Variants in ZNF17 observed in about 807,000 individuals in gnomAD.
ZNF17 encodes zinc finger protein 17.
A neutral mutation model predicts 7.7 loss-of-function variants in ZNF17; 4 were observed. That is an observed-to-expected ratio of 0.52 (90% CI 0.26 to 1.20). The LOEUF (loss-of-function observed/expected upper bound fraction) is 1.20, where lower values mean the gene tolerates loss of function less well. Among genes scored for constraint, ZNF17 ranks in the 50% most tolerant of loss-of-function variants. The probability of loss-of-function intolerance (pLI) is 0.14; values close to 1 mark genes in which losing one functional copy is unlikely to be tolerated. For missense variants in ZNF17, 738 were observed against 799.5 expected, an observed-to-expected ratio of 0.92 and a Z score of 0.93; for synonymous variants, 249 against 258.8, an observed-to-expected ratio of 0.96 and a Z score of 0.36.
At position 57,421,589 on chromosome 19, in the gene ZNF17, CAT is replaced by C; in HGVS notation, c.*110_*111del. Reference sequence around the variant, plus strand: ...AAGTATTCTTGTAGAATACAGATAACATAAAATCTAACATCTTAACCATGTTA... The same window carrying C: ...AAGTATTCTTGTAGAATACAGATAACAAAATCTAACATCTTAACCATGTTA... On this transcript the variant is annotated 3_prime_UTR_variant, in exon 4 of 4. Coordinates refer to ENST00000307658, the MANE Select transcript of ZNF17 (RefSeq NM_001330617.2). 1.6e-6 allele frequency: 2 copies of C among 1,259,426 alleles called. No homozygotes were observed. The highest frequency in any genetic ancestry group is 1.5e-5 in the African/African-American group (1 of 65,882). The allele number at this position is 1,259,426 out of a possible 1,614,324, so 78.0% of individuals were successfully genotyped here.
Position 57,411,220 on chromosome 19 carries a change from G to A in ZNF17, c.-207G>A. 1.1e-6 allele frequency: 1 copy of A among 909,446 alleles called. No individual in the cohort carries two copies. Among genetic ancestry groups the A allele is most frequent in the Non-Finnish European group, 1.6e-6 (1 of 612,162 alleles). 56.3% of individuals were successfully genotyped at this position (909,446 alleles called of 1,614,324 possible). A position where few individuals can be genotyped will look rare whatever the true frequency, so the allele number is the denominator to read the frequency against. Reference sequence around the variant, plus strand: ...TGGGATCTGTTCACCTTCAGGCTGAGTCGAGACTGAGGTGAAAAAGCGGAA... The same window carrying A: ...TGGGATCTGTTCACCTTCAGGCTGAATCGAGACTGAGGTGAAAAAGCGGAA... On this transcript the variant is annotated 5_prime_UTR_variant, in exon 1 of 4. Transcript: ENST00000307658.
chr19:57,421,411 G>A lies in ZNF17; in HGVS notation c.1925G>A (p.Cys642Tyr), dbSNP rs767006520. The change falls in exon 4 of 4, where the codon TGC becomes TAC. Residue 642 changes from cysteine (C) to tyrosine (Y), a missense_variant. This residue lies in a region of ZNF17 where 116 missense variants were observed against 114.0 expected (regional missense o/e 1.02). Transcript: ENST00000307658. ...RIHTGERPYQ[C>Y]SECGRVFNQN... The stretch of plus-strand genomic sequence containing the variant: ...CACACTGGAGAGAGACCTTATCAGT[G>A]CAGTGAATGTGGAAGAGTCTTTAAC... 3.7e-6 allele frequency: 6 copies of A among 1,614,050 alleles called. No homozygotes were observed. Among genetic ancestry groups the A allele is most frequent in the South Asian group, 1.1e-5 (1 of 91,046 alleles).
chr19:57,420,360 C>T lies in ZNF17; in HGVS notation c.874C>T (p.Leu292Phe), dbSNP rs2088840776. ...AGCTTTTCTTAGAAAGTCTCACCTA[C>T]TTCAGCACCAGAGGATTCACACCAG... ...GKAFLRKSHL[L>F]QHQRIHTRPR... Residue 292 changes from leucine (L) to phenylalanine (F), a missense_variant, in exon 4 of 4, where the codon CTT becomes TTT. Leu to Phe is a conservative substitution (Grantham distance 22). This residue lies in a region of ZNF17 where 616 missense variants were observed against 663.9 expected (regional missense o/e 0.93). Coordinates refer to ENST00000307658, the MANE Select transcript of ZNF17 (RefSeq NM_001330617.2). The T allele has an allele frequency of 6.2e-7, 1 of 1,613,158 alleles. No homozygotes were observed. The highest frequency in any genetic ancestry group is 1.7e-5 in the Admixed American group (1 of 59,960).
In ZNF17 at chr19:57,417,922, T is replaced by C; in HGVS notation, c.32T>C (p.Val11Ala). MLMDAGQDYM[V>A]FEDVAIHFSQ... is the part of the protein sequence containing the mutation. ...TTATAATTTTGGCAGGATTATATGG[T>C]TTTTGAGGACGTGGCCATACATTTC... The change falls in exon 3 of 4, where the codon GTT (valine) becomes GCT (alanine). Residue 11 changes from valine (V) to alanine (A), a missense_variant. Coordinates refer to ENST00000307658, the MANE Select transcript of ZNF17 (RefSeq NM_001330617.2). 2 of 1,613,448 alleles carry C rather than the reference T, an allele frequency of 1.2e-6. No individual in the cohort carries two copies. The highest frequency in any genetic ancestry group is 1.7e-6 in the Non-Finnish European group (2 of 1,179,856).
rs373090351 is a variant in ZNF17 at position 57,420,368 on chromosome 19, C to G, written c.882C>G (p.His294Gln). The G allele has an allele frequency of 2.0e-5, 32 of 1,613,558 alleles. No individual in the cohort carries two copies. Among genetic ancestry groups the G allele is most frequent in the Non-Finnish European group, 2.5e-5 (30 of 1,179,906 alleles). Residue 294 changes from histidine to glutamine, a missense_variant, in exon 4 of 4, where the codon CAC (histidine) becomes CAG (glutamine). Around this residue, in one of 3 missense-constraint regions of ZNF17, gnomAD observed 616 missense variants for 663.9 expected, o/e 0.93. Transcript: ENST00000307658. ...AFLRKSHLLQ[H>Q]QRIHTRPRPY... ...TTAGAAAGTCTCACCTACTTCAGCA[C>G]CAGAGGATTCACACCAGGCCAAGGC...
chr19:57,420,662 A>G lies in ZNF17; in HGVS notation c.1176A>G (p.Glu392=). The G allele has an allele frequency of 6.2e-7, 1 of 1,614,036 alleles. No homozygotes were observed. Among genetic ancestry groups the G allele is most frequent in the Non-Finnish European group, 8.5e-7 (1 of 1,179,970 alleles). The change falls in exon 4 of 4, where the codon GAA becomes GAG. Residue 392 remains glutamate (E), a synonymous_variant. Transcript: ENST00000307658. ...HTGEKPYECN[E]CGKFFRYRST... is the part of the protein sequence containing the mutation. Reference sequence around the variant, plus strand: ...GAGAAAAACCTTATGAATGCAACGAATGTGGGAAATTCTTTAGATACCGTT... The same window carrying G: ...GAGAAAAACCTTATGAATGCAACGAGTGTGGGAAATTCTTTAGATACCGTT...
At position 57,414,662 on chromosome 19, in the gene ZNF17, A is replaced by G. The variant is rs1156369942; in HGVS notation, c.21+1026A>G. Among the ~76,000 whole-genome samples, 13 of 150,046 alleles carry G rather than the reference A, an allele frequency of 8.7e-5. No individual in the cohort carries two copies. In the East Asian group the frequency reaches 2.6e-3, roughly 30 times the overall value. On this transcript the variant is annotated intron_variant, in intron 2 of 3. Transcript: ENST00000307658. ...TCTAGGTCTTTAATCTGAGGGGGGT[A>G]GTAGCTAGGGAAGGTTTGAGAAAGA...
At position 57,421,634 on chromosome 19, in the gene ZNF17, C is replaced by T. The variant is rs1002966800; in HGVS notation, c.*153C>T. 21 of 871,390 alleles carry T rather than the reference C, an allele frequency of 2.4e-5. No individual in the cohort carries two copies. The Admixed American group carries it at 5.1e-4, about 21-fold the overall frequency. The allele number at this position is 871,390 out of a possible 1,614,324, so 54.0% of individuals were successfully genotyped here. On this transcript the variant is annotated 3_prime_UTR_variant, in exon 4 of 4. Transcript: ENST00000307658. ...CCATGTTAAAGTGTATAGTTCAGTA[C>T]TGTTAAGTCATTCACATTGTGCAAT...
At position 57,412,448 on chromosome 19, in the gene ZNF17, A is replaced by ATT. The variant is rs34661992; in HGVS notation, c.-21+1055_-21+1056dup. Among the ~76,000 whole-genome samples the ATT allele has an allele frequency of 1.0e-3, 152 of 147,462 alleles. 2 individuals are homozygous for ATT. Among genetic ancestry groups the ATT allele is most frequent in the African/African-American group, 3.6e-3 (146 of 40,196 alleles). ...TTATTTATTTATGAATGTGTAAAAC[A>ATT]TTTTTTTTTTTTTTGAGACAGAGTC... On this transcript the variant is annotated intron_variant, in intron 1 of 3. Coordinates refer to ENST00000307658, the MANE Select transcript of ZNF17 (RefSeq NM_001330617.2).
intron 1 of ZNF17, among the ~76,000 whole-genome samples, chr19:57,413,011 G>T (rs1226558520): frequency 6.6e-6 from 1 of 151,974 alleles, no homozygotes; most frequent in Non-Finnish European, 1.5e-5. Context: ...CCGAGTAGCT[G>T]GGATTACAGA....
Position 57,411,204 on chromosome 19 carries a change from T to C in ZNF17, c.-223T>C, listed in dbSNP as rs1247040628. The C allele has an allele frequency of 2.5e-5, 19 of 774,676 alleles. No homozygotes were observed. Among genetic ancestry groups the C allele is most frequent in the African/African-American group, 3.5e-5 (2 of 56,926 alleles). 48.0% of individuals were successfully genotyped at this position (774,676 alleles called of 1,614,324 possible). A position where few individuals can be genotyped will look rare whatever the true frequency, so the allele number is the denominator to read the frequency against. On this transcript the variant is annotated 5_prime_UTR_variant, in exon 1 of 4. Transcript: ENST00000307658. Reference sequence around the variant, plus strand: ...GTCAATATGGCTGCGTTGGGATCTGTTCACCTTCAGGCTGAGTCGAGACTG... The same window carrying C: ...GTCAATATGGCTGCGTTGGGATCTGCTCACCTTCAGGCTGAGTCGAGACTG...
Position 57,419,541 on chromosome 19 carries a change from G to C in ZNF17, c.149-94G>C, listed in dbSNP as rs1375360201. The C allele has an allele frequency of 2.2e-6, 3 of 1,340,448 alleles. No homozygotes were observed. In the East Asian group the frequency reaches 7.0e-5, roughly 31 times the overall value. 83.0% of individuals were successfully genotyped at this position (1,340,448 alleles called of 1,614,324 possible). On this transcript the variant is annotated intron_variant, in intron 3 of 3. Transcript: ENST00000307658. ...GTCCCATGCCTGTCACCAATCCCAT[G>C]GTCTTATTTGTGAGTTGGTCTGACA...
rs748872657 is a variant in ZNF17, at chr19:57,419,741, C to T, written c.255C>T (p.Ala85=). 4 of 1,614,016 alleles carry T rather than the reference C, an allele frequency of 2.5e-6. No individual in the cohort carries two copies. The highest frequency in any genetic ancestry group is 3.4e-6 in the Non-Finnish European group (4 of 1,180,052). The part of the protein sequence containing the change: ...TLKPALSTQK[A]QPCETCSSLL... Reference sequence around the variant, plus strand: ...AGCCAGCTTTGTCCACCCAGAAGGCCCAGCCCTGTGAGACATGTAGCTCAC... The same window carrying T: ...AGCCAGCTTTGTCCACCCAGAAGGCTCAGCCCTGTGAGACATGTAGCTCAC... The change falls in exon 4 of 4, where the codon GCC becomes GCT. Residue 85 remains alanine (A), a synonymous_variant. Transcript: ENST00000307658.
chr19:57,417,915 T>C lies in ZNF17; in HGVS notation c.25T>C (p.Tyr9His). Residue 9 changes from tyrosine (Y) to histidine (H), a missense_variant, in exon 3 of 4, where the codon TAT becomes CAT. Tyr to His is a moderately conservative substitution (Grantham distance 83, BLOSUM62 2). Around this residue, in one of 3 missense-constraint regions of ZNF17, gnomAD observed 616 missense variants for 663.9 expected, o/e 0.93. Transcript: ENST00000307658. MLMDAGQDYMVFEDVAIHF... is the reference protein window; with the variant it reads MLMDAGQDHMVFEDVAIHF... Reference sequence around the variant, plus strand: ...TAAACTGTTATAATTTTGGCAGGATTATATGGTTTTTGAGGACGTGGCCAT... The same window carrying C: ...TAAACTGTTATAATTTTGGCAGGATCATATGGTTTTTGAGGACGTGGCCAT... 6.2e-7 allele frequency: 1 copy of C among 1,613,672 alleles called. No individual in the cohort carries two copies. Among genetic ancestry groups the C allele is most frequent in the Non-Finnish European group, 8.5e-7 (1 of 1,179,950 alleles).
rs1386618779 is a variant in ZNF17, at chr19:57,419,788, T to C, written c.302T>C (p.Leu101Pro). Residue 101 changes from leucine to proline, a missense_variant, in exon 4 of 4, where the codon CTG (leucine) becomes CCG (proline). Transcript: ENST00000307658. ...CSSLLKDILH[L>P]AEHDGTHPKR... ...TCACTTCTGAAGGACATTCTACACC[T>C]GGCTGAGCATGACGGAACACACCCC... The C allele has an allele frequency of 1.9e-6, 3 of 1,614,020 alleles. No homozygotes were observed. The highest frequency in any genetic ancestry group is 1.7e-5 in the Admixed American group (1 of 59,996).
chr19:57,411,543 T>C, intron 1 of ZNF17, 137 bp downstream of exon 1: 1 of 1,447,754 alleles, frequency 6.9e-7, no homozygotes, highest in South Asian at 1.4e-5. Context: ...TCCGCGGTGC[T>C]GTGAGGCGGG....
chr19:57,414,226 G>T lies in ZNF17; in HGVS notation c.21+590G>T, dbSNP rs184206640. 3.4e-4 allele frequency among the ~76,000 whole-genome samples: 51 copies of T among 152,058 alleles called. No individual in the cohort carries two copies. In the East Asian group the frequency reaches 9.9e-3, roughly 29 times the overall value. ...TTTTTGTATTTTTTAGTAGAGATGG[G>T]GTTTCACCATGTTGGCCAGGATGTT... is the stretch of plus-strand genomic sequence containing the variant. On this transcript the variant is annotated intron_variant, in intron 2 of 3. Coordinates refer to ENST00000307658, the MANE Select transcript of ZNF17 (RefSeq NM_001330617.2).
At position 57,420,593 on chromosome 19, in the gene ZNF17, T is replaced by A. The variant is rs763218049; in HGVS notation, c.1107T>A (p.Phe369Leu). The part of the protein sequence containing the change: ...PFYCCECGKF[F>L]MDSCTLIIHQ... ...ATTGCTGTGAATGTGGGAAATTCTTTATGGACAGCTGCACACTCATTATTC... is the reference window on the plus strand; with the variant it reads ...ATTGCTGTGAATGTGGGAAATTCTTAATGGACAGCTGCACACTCATTATTC... The change falls in exon 4 of 4, where the codon TTT (phenylalanine) becomes TTA (leucine). Residue 369 changes from phenylalanine to leucine, a missense_variant. Transcript: ENST00000307658. 1.2e-6 allele frequency: 2 copies of A among 1,614,198 alleles called. No individual in the cohort carries two copies. Among genetic ancestry groups the A allele is most frequent in the Non-Finnish European group, 1.7e-6 (2 of 1,180,032 alleles).
Position 57,421,469 on chromosome 19 carries a change from T to C in ZNF17, c.1983T>C (p.Val661=). The C allele has an allele frequency of 1.9e-6, 3 of 1,603,618 alleles. No homozygotes were observed. In the East Asian group the frequency reaches 6.7e-5, roughly 36 times the overall value. The change falls in exon 4 of 4, where the codon GTT becomes GTC. Residue 661 remains valine (V), a synonymous_variant. Coordinates refer to ENST00000307658, the MANE Select transcript of ZNF17 (RefSeq NM_001330617.2). ...QNSHLIQHQK[V]HTR Reference sequence around the variant, plus strand: ...CTCATCTCATTCAGCACCAGAAAGTTCACACCAGATAAAGAATGTATATAT... The same window carrying C: ...CTCATCTCATTCAGCACCAGAAAGTCCACACCAGATAAAGAATGTATATAT...
Sources: allele counts gnomAD v4.1 joint callset (sites outside exome capture counted in the v4.1 genomes callset), GRCh38; gene constraint gnomAD v4.1.1; regional missense constraint gnomAD v4.1.1; transcripts MANE v1.5; gene names NCBI Gene and HGNC (gene_info 2026-07-23, HGNC 2026-07-21).